The following GALNT13 variants were observed in gnomAD, a reference collection of about 807,000 sequenced individuals.
GALNT13 encodes the protein UDP-GalNAc:polypeptide N-acetylgalactosaminyltransferase 13.
A neutral mutation model predicts 64.2 loss-of-function variants in GALNT13; 28 were observed. The observed-to-expected ratio is 0.44, with a 90% CI of 0.32 to 0.60. GALNT13 has a LOEUF of 0.60. Ranked by LOEUF, GALNT13 falls within the 20% of genes least tolerant of loss-of-function variation. GALNT13 has a pLI of 0.05. For missense variants in GALNT13, 577 were observed against 669.8 expected (o/e 0.86, Z 1.53); for synonymous variants, 214 against 224.6 (o/e 0.95, Z 0.42).
chr2:153,613,122 G>A, the GALNT13 span, among the ~76,000 whole-genome samples: 1 of 152,198 alleles, frequency 6.6e-6, no homozygotes, highest in East Asian at 1.9e-4. Context: ...GTAGCTGAAA[G>A]CACCCTAACT....
chr2:153,464,264 A>G, the GALNT13 span, among the ~76,000 whole-genome samples: 1 of 152,148 alleles, frequency 6.6e-6, no homozygotes, highest in Admixed American at 6.5e-5. Flanking sequence ...TGTTAGCCAT[A>G]TGTTTGGGAT....
In GALNT13 at chr2:154,129,496, A is replaced by T. The variant is rs1375637558; in HGVS notation, c.143-10841A>T. On this transcript the variant is annotated intron_variant, in intron 3 of 12. Transcript: ENST00000392825. ...TGCAATGTAACAGCGAAATGTCTTG[A>T]GACATGTAAAAATGTGTGTTATCAT... 2.0e-5 allele frequency among the ~76,000 whole-genome samples: 3 copies of T among 152,194 alleles called. No individual in the cohort carries two copies. In the East Asian group the frequency reaches 5.8e-4, roughly 29 times the overall value.
the GALNT13 span, among the ~76,000 whole-genome samples, chr2:153,340,768 T>G: frequency 6.6e-6 from 1 of 151,756 alleles, no homozygotes; most frequent in South Asian, 2.1e-4. Context: ...TTGTTGAGAG[T>G]TTTTATCACA....
intron 3 of GALNT13, among the ~76,000 whole-genome samples, chr2:154,025,140 AT>A (rs886702278): frequency 2.0e-5 from 3 of 152,084 alleles, no homozygotes; most frequent in African/African-American, 7.2e-5. Flanking sequence ...CTCGGGGGTC[AT>A]GGACCCACTT....
the GALNT13 span, among the ~76,000 whole-genome samples, chr2:153,248,780 C>T: frequency 2.8e-4 from 40 of 141,790 alleles, 1 homozygote; most frequent in Admixed American, 2.5e-3. Context: ...CGAGCCATTG[C>T]GCTCCAGCCT....
the GALNT13 span, among the ~76,000 whole-genome samples, chr2:153,111,114 T>C: frequency 1.3e-5 from 2 of 152,088 alleles, no homozygotes; most frequent in African/African-American, 4.8e-5. Context: ...CCCAATTCAA[T>C]AGGGGTTTCC....
At chr2:154,196,873 G>A (rs556696494) in intron 4 of GALNT13, among the ~76,000 whole-genome samples, 1 of 152,244 alleles carries the variant, frequency 6.6e-6, no homozygotes, top group Admixed American at 6.5e-5. Flanking sequence ...ATCTTTGCTA[G>A]GTGGTCATAT....
rs1175476075 is a variant in GALNT13, at chr2:154,453,216, T to C, written c.*2665T>C. 6.6e-6 allele frequency: 1 copy of C among 152,172 alleles called. No homozygotes were observed. The highest frequency in any genetic ancestry group is 2.4e-5 in the African/African-American group (1 of 41,448). 9.4% of individuals were successfully genotyped at this position (152,172 alleles called of 1,614,324 possible). A position where few individuals can be genotyped will look rare whatever the true frequency, so the allele number is the denominator to read the frequency against. On this transcript the variant is annotated 3_prime_UTR_variant, in exon 13 of 13. Coordinates refer to ENST00000392825, the MANE Select transcript of GALNT13 (RefSeq NM_052917.4). ...TTCTCAGTACAACAGCCATAGTGAT[T>C]CTGTTAACCATGAATTTGATTGTGT...
the GALNT13 span, among the ~76,000 whole-genome samples, chr2:153,817,714 A>C: frequency 6.6e-6 from 1 of 152,078 alleles, no homozygotes; most frequent in Non-Finnish European, 1.5e-5. Flanking sequence ...ACATGCTTTA[A>C]CGAGTGTCAT....
At chr2:153,298,898 A>G in the GALNT13 span, among the ~76,000 whole-genome samples, 1 of 152,172 alleles carries the variant, frequency 6.6e-6, no homozygotes, top group Non-Finnish European at 1.5e-5. Context: ...TAAGATCAAT[A>G]CTTTATGAAA....
At chr2:154,148,407 G>A (rs1272742182) in intron 4 of GALNT13, among the ~76,000 whole-genome samples, 1 of 152,114 alleles carries the variant, frequency 6.6e-6, no homozygotes, top group Non-Finnish European at 1.5e-5. Flanking sequence ...TGTCTTTATA[G>A]CAGCATGATT....
chr2:153,370,411 T>C, the GALNT13 span, among the ~76,000 whole-genome samples: 2 of 151,954 alleles, frequency 1.3e-5, no homozygotes. Context: ...GATACAAAAA[T>C]CTTCCAAAAA....
the GALNT13 span, among the ~76,000 whole-genome samples, chr2:153,151,176 T>A: frequency 6.6e-6 from 1 of 151,924 alleles, no homozygotes; most frequent in South Asian, 2.1e-4. Flanking sequence ...CTTGAGGAGG[T>A]CCTTCATGTC....
chr2:154,114,061 G>A (rs921367404), intron 3 of GALNT13, among the ~76,000 whole-genome samples: 1 of 152,216 alleles, frequency 6.6e-6, no homozygotes, highest in Non-Finnish European at 1.5e-5. Context: ...GGCCAAATAG[G>A]AGAGTTGAAC....
At chr2:153,254,663 G>A in the GALNT13 span, among the ~76,000 whole-genome samples, 1 of 151,990 alleles carries the variant, frequency 6.6e-6, no homozygotes, top group South Asian at 2.1e-4. Context: ...ATTCTGGTAT[G>A]TTGTGTCTTT....
At chr2:154,309,005 C>G (rs1358702899) in intron 9 of GALNT13, among the ~76,000 whole-genome samples, 1 of 152,252 alleles carries the variant, frequency 6.6e-6, no homozygotes, top group Non-Finnish European at 1.5e-5. Context: ...CTGCCATGCT[C>G]TGTCTTCAGT....
chr2:154,351,881 T>G (rs557072146), intron 9 of GALNT13, among the ~76,000 whole-genome samples: 2 of 151,842 alleles, frequency 1.3e-5, no homozygotes, highest in East Asian at 3.9e-4. Flanking sequence ...AAGGAAGAAA[T>G]AAAACATATT....
At chr2:154,095,676 T>G (rs766847423) in intron 3 of GALNT13, among the ~76,000 whole-genome samples, 11 of 152,038 alleles carry the variant, frequency 7.2e-5, no homozygotes, top group Non-Finnish European at 1.5e-4. Flanking sequence ...CAGTCTTTAC[T>G]TCCAAATATG....
the GALNT13 span, among the ~76,000 whole-genome samples, chr2:153,626,168 G>T: frequency 7.2e-5 from 11 of 151,972 alleles, no homozygotes; most frequent in Admixed American, 7.2e-4. Context: ...ATACAGACAA[G>T]AAGCTTTGTC....
Sources: allele counts gnomAD v4.1 joint callset (sites outside exome capture counted in the v4.1 genomes callset), GRCh38; gene constraint gnomAD v4.1.1; transcripts MANE v1.5; gene names NCBI Gene and HGNC (gene_info 2026-07-23, HGNC 2026-07-21).